Variants in E2F3 observed in about 807,000 individuals in gnomAD.
E2F3 encodes the protein transcription factor E2F3.
A neutral mutation model predicts 44.4 loss-of-function variants in E2F3; 11 were observed. That is an observed-to-expected ratio of 0.25 (90% confidence interval 0.16 to 0.41). The LOEUF (loss-of-function observed/expected upper bound fraction) is 0.41, where lower values mean the gene tolerates loss of function less well. E2F3 is among the 10% of genes least tolerant of loss of function. The probability of loss-of-function intolerance (pLI) is 1.00; values close to 1 mark genes in which losing one functional copy is unlikely to be tolerated. For synonymous variants in E2F3, 249 were observed against 253.0 expected (o/e 0.98, Z 0.15); for missense variants, 487 against 583.6 (o/e 0.83, Z 1.70).
chr6:20,458,914 C>T (rs1192157085), intron 1 of E2F3, among the ~76,000 whole-genome samples: 2 of 151,566 alleles, frequency 1.3e-5, no homozygotes, highest in Non-Finnish European at 1.5e-5. Flanking sequence ...TGTCAGGGAT[C>T]ATACGAAATG....
intron 1 of E2F3, among the ~76,000 whole-genome samples, chr6:20,434,665 T>A (rs1467306721): frequency 6.6e-6 from 1 of 152,200 alleles, no homozygotes; most frequent in Non-Finnish European, 1.5e-5. Flanking sequence ...TTAACTGTTG[T>A]ATAGTACAGC....
intron 1 of E2F3, among the ~76,000 whole-genome samples, chr6:20,446,560 A>G (rs973795386): frequency 2.6e-5 from 4 of 152,088 alleles, no homozygotes; most frequent in African/African-American, 7.2e-5. Flanking sequence ...AATTCATCCC[A>G]TGTTATTTAT....
At chr6:20,473,049 G>A (rs1761943083) in intron 1 of E2F3, among the ~76,000 whole-genome samples, 1 of 152,174 alleles carries the variant, frequency 6.6e-6, no homozygotes, top group Non-Finnish European at 1.5e-5. Context: ...TATGTATATA[G>A]CTATCTGAAA....
At chr6:20,450,430 A>T (rs1761091035) in intron 1 of E2F3, among the ~76,000 whole-genome samples, 1 of 152,046 alleles carries the variant, frequency 6.6e-6, no homozygotes, top group Admixed American at 6.6e-5. Flanking sequence ...TGTCTTTTGA[A>T]AAGTGTCTGC....
chr6:20,461,620 A>T (rs1761512305), intron 1 of E2F3, among the ~76,000 whole-genome samples: 1 of 152,128 alleles, frequency 6.6e-6, no homozygotes, highest in African/African-American at 2.4e-5. Context: ...CTATTTAGTA[A>T]TGTTTTCAAT....
rs1762581077 is a variant in E2F3, at chr6:20,492,492, G to C, written c.*2062G>C. The C allele has an allele frequency of 4.3e-6, 1 of 233,288 alleles. No homozygotes were observed. Among genetic ancestry groups the C allele is most frequent in the South Asian group, 1.8e-4 (1 of 5,526 alleles). The allele number at this position is 233,288 out of a possible 1,614,324, so 14.5% of individuals were successfully genotyped here. ...TGCACTGTGGGGTTTTTTCCTGTATGGGAAACCATTTATGCCAAGCTTTTC... is the reference window on the plus strand; with the variant it reads ...TGCACTGTGGGGTTTTTTCCTGTATCGGAAACCATTTATGCCAAGCTTTTC... On this transcript the variant is annotated 3_prime_UTR_variant, in exon 7 of 7. Transcript: ENST00000346618.
chr6:20,461,344 C>T (rs1255107462), intron 1 of E2F3, among the ~76,000 whole-genome samples: 4 of 151,888 alleles, frequency 2.6e-5, no homozygotes, highest in South Asian at 2.1e-4. Flanking sequence ...ATACAAAAAA[C>T]TTAGCCAGTT....
intron 1 of E2F3, among the ~76,000 whole-genome samples, chr6:20,456,419 A>T (rs561944749): frequency 1.3e-5 from 2 of 152,252 alleles, no homozygotes; most frequent in South Asian, 4.1e-4. Context: ...TTCTTATTTT[A>T]TTCACCTTTA....
intron 1 of E2F3, among the ~76,000 whole-genome samples, chr6:20,478,571 G>A (rs369535756): frequency 6.6e-6 from 1 of 152,336 alleles, no homozygotes; most frequent in East Asian, 1.9e-4. Context: ...CACTTTGGGA[G>A]GCCAAGGTGG....
rs1180901907 is a variant in E2F3 at position 20,492,286 on chromosome 6, G to A, written c.*1856G>A. The A allele has an allele frequency of 4.3e-6, 1 of 232,302 alleles. No homozygotes were observed. The highest frequency in any genetic ancestry group is 2.2e-5 in the African/African-American group (1 of 45,234). The allele number at this position is 232,302 out of a possible 1,614,324, so 14.4% of individuals were successfully genotyped here. Reference sequence around the variant, plus strand: ...AAACTCTTTGTGTGGGTATGCGTGGGTGTATGTTTGGGAAGAAAAACAAAG... The same window carrying A: ...AAACTCTTTGTGTGGGTATGCGTGGATGTATGTTTGGGAAGAAAAACAAAG... On this transcript the variant is annotated 3_prime_UTR_variant, in exon 7 of 7. Coordinates refer to ENST00000346618, the MANE Select transcript of E2F3 (RefSeq NM_001949.5).
intron 1 of E2F3, among the ~76,000 whole-genome samples, chr6:20,405,094 C>T (rs1219013172): frequency 6.6e-6 from 1 of 152,084 alleles, no homozygotes; most frequent in Non-Finnish European, 1.5e-5. Flanking sequence ...TCTTTCAAGC[C>T]AGGTTTATTA....
intron 4 of E2F3, 136 bp downstream of exon 4, chr6:20,483,056 T>C: frequency 1.9e-6 from 2 of 1,068,560 alleles, no homozygotes; most frequent in South Asian, 2.9e-5. Context: ...TGTGTGTGTA[T>C]GTGTGTGTGT....
At position 20,482,829 on chromosome 6, in the gene E2F3, G is replaced by A. The variant is rs750169257; in HGVS notation, c.793G>A (p.Glu265Lys). 1.1e-4 allele frequency: 171 copies of A among 1,613,494 alleles called. No homozygotes were observed. In the Admixed American group the frequency reaches 1.6e-3, roughly 15 times the overall value. Residue 265 changes from glutamate to lysine, a missense_variant, in exon 4 of 7, where the codon GAG becomes AAG. This residue lies in a region of E2F3 where 220 missense variants were observed against 261.7 expected (regional missense o/e 0.84). Transcript: ENST00000346618. ...QCQGLSKEVT[E>K]LSQEEKKLDE... ...TCAAGGCCTGTCAAAAGAAGTGACC[G>A]AGCTCAGTCAGGAAGAGAAGAAATT... is the stretch of plus-strand genomic sequence containing the variant.
At chr6:20,483,047 G>A in intron 4 of E2F3, 127 bp downstream of exon 4, 3 of 1,319,640 alleles carry the variant, frequency 2.3e-6, no homozygotes, top group Admixed American at 1.9e-5. Flanking sequence ...CTGTGTGCCT[G>A]TGTGTGTATG....
At chr6:20,461,521 A>G (rs1303451332) in intron 1 of E2F3, among the ~76,000 whole-genome samples, 1 of 152,114 alleles carries the variant, frequency 6.6e-6, no homozygotes, top group African/African-American at 2.4e-5. Context: ...CCCCAAATGC[A>G]TTGTTTTTTC....
rs1759342408 is a variant in E2F3, at chr6:20,402,581, C to T, written c.349C>T (p.Pro117Ser). The change falls in exon 1 of 7, where the codon CCA becomes TCA. Residue 117 changes from proline (P) to serine (S), a missense_variant. Pro to Ser is a moderately conservative substitution (Grantham distance 74, BLOSUM62 -1). Transcript: ENST00000346618. The surrounding 1 kb of genome is among the most constrained non-coding windows in gnomAD (Gnocchi z 5.6). ...SSRAGLLQQP[P>S]ALGRGGSGGG... Reference sequence around the variant, plus strand: ...CAGAGCCGGGCTGCTGCAGCAGCCACCAGCGCTGGGACGCGGCGGCAGCGG... The same window carrying T: ...CAGAGCCGGGCTGCTGCAGCAGCCATCAGCGCTGGGACGCGGCGGCAGCGG... 6.7e-7 allele frequency: 1 copy of T among 1,491,798 alleles called. No homozygotes were observed. Among genetic ancestry groups the T allele is most frequent in the Non-Finnish European group, 8.8e-7 (1 of 1,133,678 alleles). 92.4% of individuals were successfully genotyped at this position (1,491,798 alleles called of 1,614,324 possible).
chr6:20,435,974 CTTTTTTTTT>C (rs68162662), intron 1 of E2F3, among the ~76,000 whole-genome samples: 6 of 140,542 alleles, frequency 4.3e-5, no homozygotes, highest in Non-Finnish European at 7.5e-5. Flanking sequence ...AAGAATTGTC[CTTTTTTTTT>C]TTTTTTTTTT....
intron 1 of E2F3, among the ~76,000 whole-genome samples, chr6:20,449,601 G>A (rs975238217): frequency 1.3e-5 from 2 of 152,112 alleles, no homozygotes; most frequent in African/African-American, 4.8e-5. Flanking sequence ...ATTTGTGATC[G>A]TGTGGCTAGC....
intron 1 of E2F3, among the ~76,000 whole-genome samples, chr6:20,442,130 GT>G (rs982356113): frequency 6.6e-6 from 1 of 151,910 alleles, no homozygotes; most frequent in African/African-American, 2.4e-5. Flanking sequence ...GAGCATATTT[GT>G]TTTGCTACTG....
Sources: allele counts gnomAD v4.1 joint callset (sites outside exome capture counted in the v4.1 genomes callset), GRCh38; gene constraint gnomAD v4.1.1; regional missense constraint gnomAD v4.1.1; non-coding constraint Gnocchi (gnomAD v3.1); transcripts MANE v1.5; gene names NCBI Gene and HGNC (gene_info 2026-07-23, HGNC 2026-07-21).